The following SPAG16 variants were observed in gnomAD, a reference collection of about 807,000 sequenced individuals.
The protein encoded by SPAG16 is sperm associated antigen 16.
In SPAG16, 86 loss-of-function variants were observed where a neutral mutation model predicts 80.4. The ratio of observed to expected loss-of-function variants is 1.07; its 90% CI spans 0.90 to 1.28. The LOEUF (loss-of-function observed/expected upper bound fraction) is 1.28, where lower values mean the gene tolerates loss of function less well. SPAG16 is among the 50% of genes most tolerant of loss of function. The pLI, the probability that SPAG16 is intolerant of heterozygous loss-of-function variation, is 0.00. For missense variants in SPAG16, 870 were observed against 765.3 expected (o/e 1.14, Z -1.61); for synonymous variants, 294 against 265.9 (o/e 1.11, Z -1.03).
intron 10 of SPAG16, among the ~76,000 whole-genome samples, chr2:213,549,929 A>T (rs1269065252): frequency 6.6e-6 from 1 of 152,030 alleles, no homozygotes; most frequent in Non-Finnish European, 1.5e-5. Flanking sequence ...TAATTTGTTC[A>T]TATTATTTTG....
At chr2:214,156,813 C>CA (rs2056236096) in intron 15 of SPAG16, among the ~76,000 whole-genome samples, 1 of 151,958 alleles carries the variant, frequency 6.6e-6, no homozygotes, top group African/African-American at 2.4e-5. Context: ...AACAAACAGA[C>CA]AAAAAATAAT....
Position 213,544,923 on chromosome 2 carries a change from C to G in SPAG16, c.1070+54833C>G, listed in dbSNP as rs2076566796. The stretch of plus-strand genomic sequence containing the variant: ...ACCACAGTTCATTCATTCACCCACT[C>G]AAGGACAGCTTGGTTGCTTCCAAGT... On this transcript the variant is annotated intron_variant, in intron 10 of 15. Coordinates refer to ENST00000331683, the MANE Select transcript of SPAG16 (RefSeq NM_024532.5). 5.9e-5 allele frequency among the ~76,000 whole-genome samples: 9 copies of G among 152,206 alleles called. No individual in the cohort carries two copies. The South Asian group carries it at 1.9e-3, about 32-fold the overall frequency.
intron 13 of SPAG16, among the ~76,000 whole-genome samples, chr2:214,053,431 A>C (rs1022664262): frequency 6.6e-6 from 1 of 152,300 alleles, no homozygotes; most frequent in African/African-American, 2.4e-5. Context: ...AGTACTTACC[A>C]TATCTCAGAC....
intron 10 of SPAG16, among the ~76,000 whole-genome samples, chr2:213,817,513 C>A (rs747596684): frequency 6.6e-6 from 1 of 151,812 alleles, no homozygotes; most frequent in Non-Finnish European, 1.5e-5. Context: ...CTGTTCTACC[C>A]AAAAGATATA....
At chr2:213,760,683 A>C (rs2068608268) in intron 10 of SPAG16, among the ~76,000 whole-genome samples, 1 of 152,212 alleles carries the variant, frequency 6.6e-6, no homozygotes, top group South Asian at 2.1e-4. Flanking sequence ...AAAGATAGTT[A>C]TAGAAAGTAT....
chr2:213,765,594 CGTGTGTGTGT>C (rs34788311), intron 10 of SPAG16, among the ~76,000 whole-genome samples: 1 of 150,182 alleles, frequency 6.7e-6, no homozygotes, highest in Admixed American at 6.6e-5. Flanking sequence ...CACAATGTCA[CGTGTGTGTGT>C]GTGTGTGTGT....
intron 10 of SPAG16, among the ~76,000 whole-genome samples, chr2:213,731,473 T>C (rs1222257300): frequency 1.3e-5 from 2 of 152,100 alleles, no homozygotes; most frequent in East Asian, 3.9e-4. Flanking sequence ...TTTTTTTTTT[T>C]TTTTCTTTTC....
chr2:213,839,250 CTTATTAA>C lies in SPAG16; in HGVS notation c.1071-23221_1071-23215del, dbSNP rs1271709866. Among the ~76,000 whole-genome samples the C allele has an allele frequency of 4.6e-5, 7 of 152,220 alleles. No individual in the cohort carries two copies. The South Asian group carries it at 1.2e-3, about 27-fold the overall frequency. On this transcript the variant is annotated intron_variant, in intron 10 of 15. Transcript: ENST00000331683. ...ACAGTTATAGTGGAGGATCACCACA[CTTATTAA>C]TTATTAATTATTAGTTGAATCTTTT...
At chr2:213,384,847 T>G (rs897757589) in intron 9 of SPAG16, among the ~76,000 whole-genome samples, 5 of 152,198 alleles carry the variant, frequency 3.3e-5, no homozygotes, top group Admixed American at 6.6e-5. Flanking sequence ...CCTTTAAAGA[T>G]TCTATGTTCT....
chr2:214,288,330 G>A (rs949837945), intron 15 of SPAG16, among the ~76,000 whole-genome samples: 1 of 152,068 alleles, frequency 6.6e-6, no homozygotes, highest in African/African-American at 2.4e-5. Flanking sequence ...ATATATTAAT[G>A]GACAATTATG....
chr2:213,762,035 G>T (rs1489582009), intron 10 of SPAG16, among the ~76,000 whole-genome samples: 1 of 152,032 alleles, frequency 6.6e-6, no homozygotes, highest in East Asian at 1.9e-4. Context: ...GGAATGCAAG[G>T]GTGACTCAAC....
chr2:213,399,356 T>C (rs2068204114), intron 9 of SPAG16, among the ~76,000 whole-genome samples: 1 of 152,060 alleles, frequency 6.6e-6, no homozygotes, highest in South Asian at 2.1e-4. Context: ...CATAAGTGAT[T>C]GGTAATTTTA....
rs1349181658 is a variant in SPAG16, at chr2:213,836,240, A to G, written c.1071-26245A>G. ...AGTTTTGTGGATATCAGATGTTATAATTACTTCTTATAATTTTTTTTCCTT... is the reference window on the plus strand; with the variant it reads ...AGTTTTGTGGATATCAGATGTTATAGTTACTTCTTATAATTTTTTTTCCTT... On this transcript the variant is annotated intron_variant, in intron 10 of 15. Transcript: ENST00000331683. Among the ~76,000 whole-genome samples the G allele has an allele frequency of 2.9e-5, 4 of 138,628 alleles. No homozygotes were observed. The East Asian group carries it at 8.9e-4, about 31-fold the overall frequency. 90.9% of individuals were successfully genotyped at this position (138,628 alleles called of 152,430 possible). A position where few individuals can be genotyped will look rare whatever the true frequency, so the allele number is the denominator to read the frequency against.
At position 213,350,630 on chromosome 2, in the gene SPAG16, C is replaced by T; in HGVS notation, c.747C>T (p.Asp249=). The T allele has an allele frequency of 6.3e-7, 1 of 1,588,970 alleles. No individual in the cohort carries two copies. Among genetic ancestry groups the T allele is most frequent in the Non-Finnish European group, 8.5e-7 (1 of 1,170,186 alleles). Residue 249 remains aspartate (D), a synonymous_variant, in exon 7 of 16, where the codon GAC becomes GAT. Coordinates refer to ENST00000331683, the MANE Select transcript of SPAG16 (RefSeq NM_024532.5). ...AAATGCTGACCTCCTTGGAAAGAGA[C>T]AAAGTAGTTGGGCAGGTAAAGATAT... ...KEKMLTSLER[D]KVVGQISGLQ...
At chr2:213,322,265 C>T (rs1000853219) in intron 5 of SPAG16, among the ~76,000 whole-genome samples, 3 of 138,166 alleles carry the variant, frequency 2.2e-5, no homozygotes, top group Admixed American at 1.6e-4. Context: ...TTAATTAAAA[C>T]CTTTTTGCTT....
At chr2:213,858,941 G>A (rs1308029139) in intron 10 of SPAG16, among the ~76,000 whole-genome samples, 2 of 151,800 alleles carry the variant, frequency 1.3e-5, no homozygotes, top group Non-Finnish European at 2.9e-5. Flanking sequence ...AGCACTTTGG[G>A]AGGCCGAGGT....
intron 15 of SPAG16, among the ~76,000 whole-genome samples, chr2:214,386,389 A>G (rs1427328482): frequency 1.3e-5 from 2 of 152,212 alleles, no homozygotes; most frequent in Non-Finnish European, 2.9e-5. Flanking sequence ...AAAGAGCCAG[A>G]TCCTGTCTCA....
chr2:213,491,014 A>G (rs1415871539), intron 10 of SPAG16, among the ~76,000 whole-genome samples: 1 of 152,108 alleles, frequency 6.6e-6, no homozygotes, highest in Non-Finnish European at 1.5e-5. Flanking sequence ...TGTGCAATCT[A>G]CTTCCTAAAC....
chr2:213,979,291 T>A (rs2045574404), intron 12 of SPAG16, among the ~76,000 whole-genome samples: 1 of 152,066 alleles, frequency 6.6e-6, no homozygotes, highest in Non-Finnish European at 1.5e-5. Context: ...TTATACTTTA[T>A]AATTCAGGAA....
Sources: gnomAD v4.1 joint callset for allele counts (sites outside exome capture counted in the v4.1 genomes callset) on GRCh38, gnomAD v4.1.1 for gene constraint, MANE v1.5 for transcripts, NCBI Gene and HGNC (gene_info 2026-07-23, HGNC 2026-07-21) for gene names.